Variants in UXS1 observed in about 807,000 individuals in gnomAD.
UXS1 encodes the protein UDP-glucuronic acid decarboxylase 1.
Under a neutral mutation model 62.6 loss-of-function variants are expected in UXS1, and 33 were observed. The observed-to-expected ratio is 0.53, with a 90% confidence interval of 0.40 to 0.70. The LOEUF (loss-of-function observed/expected upper bound fraction) is 0.70. Among genes scored for constraint, UXS1 ranks in the 30% least tolerant of loss-of-function variants. The pLI, the probability that UXS1 is intolerant of heterozygous loss-of-function variation, is 0.00. For synonymous variants in UXS1, 213 were observed against 206.8 expected, an observed-to-expected ratio of 1.03 and a Z score of -0.26; for missense variants, 434 against 556.3, an observed-to-expected ratio of 0.78 and a Z score of 2.21.
intron 10 of UXS1, 70 bp downstream of exon 10, chr2:106,112,575 AT>A: frequency 6.3e-7 from 1 of 1,577,748 alleles, no homozygotes; most frequent in Non-Finnish European, 8.6e-7. Flanking sequence ...AGATGCACTT[AT>A]CCCTCATCCT....
At chr2:106,187,652 C>G (rs933052236) in intron 1 of UXS1, among the ~76,000 whole-genome samples, 4 of 151,854 alleles carry the variant, frequency 2.6e-5, no homozygotes, top group Non-Finnish European at 4.4e-5. Context: ...AGAAAGGTAC[C>G]ACAACTAAAA....
intron 1 of UXS1, among the ~76,000 whole-genome samples, chr2:106,192,998 G>C (rs1558767644): frequency 6.6e-6 from 1 of 152,220 alleles, no homozygotes; most frequent in East Asian, 1.9e-4. Flanking sequence ...CTTTAGACTA[G>C]TTCTTCCTCC....
chr2:106,142,828 G>A (rs1681227862), intron 6 of UXS1, among the ~76,000 whole-genome samples: 1 of 152,174 alleles, frequency 6.6e-6, no homozygotes, highest in Non-Finnish European at 1.5e-5. Context: ...TGCCAACTGA[G>A]GGAACGCAAT....
intron 5 of UXS1, among the ~76,000 whole-genome samples, chr2:106,146,766 C>T (rs1467892947): frequency 2.5e-5 from 2 of 79,518 alleles, no homozygotes; most frequent in African/African-American, 4.9e-5. Flanking sequence ...AGAGAAGACT[C>T]CATCTCAAAA....
At chr2:106,177,948 T>C (rs893181601) in intron 1 of UXS1, among the ~76,000 whole-genome samples, 10 of 152,232 alleles carry the variant, frequency 6.6e-5, no homozygotes, top group African/African-American at 2.2e-4. Context: ...CACCCACCTG[T>C]GTTCTCACTT....
chr2:106,122,266 G>A (rs1359959351), intron 9 of UXS1, among the ~76,000 whole-genome samples: 1 of 152,244 alleles, frequency 6.6e-6, no homozygotes, highest in Non-Finnish European at 1.5e-5. Context: ...CACACTCAGT[G>A]AGAACATGAA....
intron 14 of UXS1, among the ~76,000 whole-genome samples, chr2:106,095,530 T>C (rs1677003720): frequency 6.6e-6 from 1 of 152,200 alleles, no homozygotes; most frequent in Non-Finnish European, 1.5e-5. Context: ...TAAACTGAGC[T>C]CTCAACTGCG....
intron 9 of UXS1, among the ~76,000 whole-genome samples, chr2:106,122,380 T>C (rs973825615): frequency 6.6e-6 from 1 of 152,058 alleles, no homozygotes; most frequent in Non-Finnish European, 1.5e-5. Flanking sequence ...GTGTCAGAGA[T>C]AAGAACTGAG....
chr2:106,158,214 T>C, intron 4 of UXS1, 96 bp from the exon 5 acceptor site: 1 of 1,071,978 alleles, frequency 9.3e-7, no homozygotes, highest in South Asian at 1.4e-5. Flanking sequence ...GTTTTGGGAC[T>C]GTTATTGTTT....
At chr2:106,118,634 G>A (rs997573775) in intron 9 of UXS1, among the ~76,000 whole-genome samples, 3 of 151,646 alleles carry the variant, frequency 2.0e-5, no homozygotes, top group East Asian at 1.9e-4. Context: ...TCCATCCCAC[G>A]AAAAAAAATT....
At chr2:106,120,278 C>T (rs1004889295) in intron 9 of UXS1, among the ~76,000 whole-genome samples, 1 of 152,224 alleles carries the variant, frequency 6.6e-6, no homozygotes, top group African/African-American at 2.4e-5. Context: ...CACAGGCTCA[C>T]TGCTCTTAGT....
intron 3 of UXS1, among the ~76,000 whole-genome samples, chr2:106,164,508 G>T (rs1306685154): frequency 1.3e-5 from 2 of 152,126 alleles, no homozygotes; most frequent in Non-Finnish European, 2.9e-5. Context: ...TCATGTAAAA[G>T]TCTAAATCCA....
intron 1 of UXS1, among the ~76,000 whole-genome samples, chr2:106,189,189 A>G (rs1684766399): frequency 6.6e-6 from 1 of 151,820 alleles, no homozygotes; most frequent in South Asian, 2.1e-4. Context: ...TAACTGAAGA[A>G]TAAGTGTTTC....
Position 106,145,114 on chromosome 2 carries a change from A to G in UXS1, c.472+76T>C. On this transcript the variant is annotated intron_variant, in intron 6 of 14. Coordinates refer to ENST00000283148, the MANE Select transcript of UXS1 (RefSeq NM_001253875.2). ...TTCAATGTGCTGAGTCAAACAGCTT[A>G]CCCTCAGGAATCCCGCAGCTCTGGC... 3 of 1,501,234 alleles carry G rather than the reference A, an allele frequency of 2.0e-6. No individual in the cohort carries two copies. The South Asian group carries it at 3.8e-5, about 19-fold the overall frequency. 93.0% of individuals were successfully genotyped at this position (1,501,234 alleles called of 1,614,324 possible). A position where few individuals can be genotyped will look rare whatever the true frequency, so the allele number is the denominator to read the frequency against.
intron 13 of UXS1, chr2:106,097,255 G>A (rs750382773): frequency 1.1e-4 from 50 of 455,346 alleles, no homozygotes; most frequent in African/African-American, 6.6e-4. Context: ...CTGGGTGCTC[G>A]GAGCCTAGAC....
At chr2:106,127,641 G>A (rs574188788) in intron 7 of UXS1, among the ~76,000 whole-genome samples, 83 of 152,270 alleles carry the variant, frequency 5.5e-4, no homozygotes, top group Non-Finnish European at 1.0e-3. Flanking sequence ...AAGTTACATA[G>A]AGGAAAGGGC....
At chr2:106,118,291 T>C (rs1271711705) in intron 9 of UXS1, among the ~76,000 whole-genome samples, 1 of 152,022 alleles carries the variant, frequency 6.6e-6, no homozygotes, top group Non-Finnish European at 1.5e-5. Context: ...AGTACTTTGA[T>C]GCCAGGAACT....
intron 13 of UXS1, 76 bp downstream of exon 13, chr2:106,098,640 C>T (rs778766737): frequency 6.0e-5 from 74 of 1,242,092 alleles, no homozygotes; most frequent in Non-Finnish European, 7.9e-5. Context: ...TAATTACCCA[C>T]TTTCTAGTCA....
At chr2:106,176,698 G>T (rs937391127) in intron 1 of UXS1, among the ~76,000 whole-genome samples, 1 of 152,188 alleles carries the variant, frequency 6.6e-6, no homozygotes, top group Non-Finnish European at 1.5e-5. Context: ...CATTCTAAGC[G>T]GTTACACAGG....
Sources: allele counts gnomAD v4.1 joint callset (sites outside exome capture counted in the v4.1 genomes callset), GRCh38; gene constraint gnomAD v4.1.1; transcripts MANE v1.5; gene names NCBI Gene and HGNC (gene_info 2026-07-23, HGNC 2026-07-21).